Variants in ABR observed in about 807,000 individuals in gnomAD.
ABR encodes the protein active breakpoint cluster region-related protein.
Under a neutral mutation model 107.2 loss-of-function variants are expected in ABR, and 35 were observed. The observed-to-expected ratio is 0.33, with a 90% CI of 0.25 to 0.43. The LOEUF is 0.43. ABR is among the 20% of genes least tolerant of loss of function. The pLI is 1.00. For missense variants in ABR, 815 were observed against 1,115.2 expected (o/e 0.73, Z 3.83); for synonymous variants, 498 against 462.0 (o/e 1.08, Z -1.00).
chr17:1,112,613 GAGGA>G (rs533410394), intron 2 of ABR, among the ~76,000 whole-genome samples: 6 of 84,466 alleles, frequency 7.1e-5, no homozygotes, highest in African/African-American at 2.0e-4. Context: ...GGGAGGGAGG[GAGGA>G]AGGAAGGAAG....
In ABR at chr17:1,091,546, A is replaced by C. The variant is rs534517143; in HGVS notation, c.531+119T>G. On this transcript the variant is annotated intron_variant, in intron 4 of 22. Transcript: ENST00000302538. ...GCCCAGGCCTTCCTCCCGGACTCGG[A>C]GAGGTCTCAGGCCTTCAAGGAGTCC... 5 of 1,166,734 alleles carry C rather than the reference A, an allele frequency of 4.3e-6. No individual in the cohort carries two copies. In the East Asian group the frequency reaches 1.2e-4, roughly 29 times the overall value. 72.3% of individuals were successfully genotyped at this position (1,166,734 alleles called of 1,614,324 possible).
intron 16 of ABR, among the ~76,000 whole-genome samples, chr17:1,030,729 C>T (rs1258730095): frequency 6.6e-6 from 1 of 152,268 alleles, no homozygotes; most frequent in Non-Finnish European, 1.5e-5. Context: ...TCCTGTGAGC[C>T]TCAGGAGGAG....
chr17:1,075,006 C>T (rs1235078150), intron 6 of ABR, among the ~76,000 whole-genome samples: 2 of 152,214 alleles, frequency 1.3e-5, no homozygotes, highest in African/African-American at 4.8e-5. Flanking sequence ...GCAAAGGTTT[C>T]CTGAAGCAAC....
intron 14 of ABR, among the ~76,000 whole-genome samples, chr17:1,054,098 G>T (rs779794910): frequency 6.6e-6 from 1 of 152,226 alleles, no homozygotes; most frequent in Non-Finnish European, 1.5e-5. Context: ...CTCCAGGAAG[G>T]AACCTTGAGC....
At chr17:1,211,084 C>T (rs1488230543) in intron 1 of ABR, among the ~76,000 whole-genome samples, 2 of 152,062 alleles carry the variant, frequency 1.3e-5, no homozygotes, top group African/African-American at 2.4e-5. Flanking sequence ...TTGAGACCAG[C>T]CTGTCCAATA....
At position 1,070,603 on chromosome 17, in the gene ABR, T is replaced by C. The variant is rs905366990; in HGVS notation, c.895-513A>G. On this transcript the variant is annotated intron_variant, in intron 8 of 22. Coordinates refer to ENST00000302538, the MANE Select transcript of ABR (RefSeq NM_021962.5). This position sits in a 1 kb window ranked among gnomAD's most constrained non-coding sequence, Gnocchi z 4.2. ...GACCCGAGACCCACTCAGGCCTGTC[T>C]GTGCTACTCCTCCCTGGCTTCTCCA... Among the ~76,000 whole-genome samples the C allele has an allele frequency of 6.6e-6, 1 of 151,312 alleles. No individual in the cohort carries two copies. The highest frequency in any genetic ancestry group is 2.4e-5 in the African/African-American group (1 of 41,118).
intron 2 of ABR, among the ~76,000 whole-genome samples, chr17:1,106,771 C>A (rs1402992694): frequency 6.6e-6 from 1 of 152,138 alleles, no homozygotes. Flanking sequence ...CTCAGGTGAT[C>A]CGCCCACCTC....
At chr17:1,218,393 G>A (rs16943458) in intron 1 of ABR, among the ~76,000 whole-genome samples, 10 of 152,056 alleles carry the variant, frequency 6.6e-5, no homozygotes, top group Non-Finnish European at 1.0e-4. Context: ...TAGGTCTGTC[G>A]GGAAAATTAT....
intron 10 of ABR, among the ~76,000 whole-genome samples, chr17:1,062,060 A>G (rs1361911774): frequency 6.6e-6 from 1 of 152,166 alleles, no homozygotes; most frequent in Non-Finnish European, 1.5e-5. Context: ...GGTGTCAGAG[A>G]AGCTTCCCAG....
In ABR at chr17:1,078,413, C is replaced by T. The variant is rs1042477926; in HGVS notation, c.700+917G>A. Among the ~76,000 whole-genome samples, 9 of 152,148 alleles carry T rather than the reference C, an allele frequency of 5.9e-5. No homozygotes were observed. The highest frequency in any genetic ancestry group is 8.8e-5 in the Non-Finnish European group (6 of 68,022). ...CCTCTCGGCTGGCAACGCCGCCGTC[C>T]GGACCATCGCCACCCATCGCCACGC... On this transcript the variant is annotated intron_variant, in intron 6 of 22. Coordinates refer to ENST00000302538, the MANE Select transcript of ABR (RefSeq NM_021962.5). The surrounding 1 kb of genome is among the most constrained non-coding windows in gnomAD (Gnocchi z 7.5).
chr17:1,005,700 T>C lies in ABR; in HGVS notation c.*380A>G, dbSNP rs1333489247. On this transcript the variant is annotated 3_prime_UTR_variant, in exon 23 of 23. Transcript: ENST00000302538. ...TTACACAGCGCAAAATAAAAGGCCT[T>C]GGGCTGGACTCAGGCGGAAAGAAAG... 2 of 277,296 alleles carry C rather than the reference T, an allele frequency of 7.2e-6. No individual in the cohort carries two copies. The highest frequency in any genetic ancestry group is 4.4e-5 in the South Asian group (1 of 22,794). The allele number at this position is 277,296 out of a possible 1,614,324, so 17.2% of individuals were successfully genotyped here.
At position 1,148,819 on chromosome 17, in the gene ABR, C is replaced by T. The variant is rs879710877; in HGVS notation, c.62-23452G>A. 3.3e-5 allele frequency among the ~76,000 whole-genome samples: 5 copies of T among 152,194 alleles called. No individual in the cohort carries two copies. Among genetic ancestry groups the T allele is most frequent in the Non-Finnish European group, 5.9e-5 (4 of 68,040 alleles). On this transcript the variant is annotated intron_variant, in intron 1 of 22. Transcript: ENST00000302538. This position sits in a 1 kb window ranked among gnomAD's most constrained non-coding sequence, Gnocchi z 4.9. ...GCTGATGGCCGCACCAGAGTGTGAA[C>T]GTGCCTCGGGCCACTGATGCGTACA...
intron 16 of ABR, among the ~76,000 whole-genome samples, chr17:1,014,297 C>G (rs985323504): frequency 7.4e-6 from 1 of 135,352 alleles, no homozygotes; most frequent in South Asian, 2.6e-4. Flanking sequence ...AAAAATTAGC[C>G]GGGCGTGGTG....
chr17:1,174,641 C>T (rs577896095), intron 1 of ABR, among the ~76,000 whole-genome samples: 135 of 152,246 alleles, frequency 8.9e-4, no homozygotes, highest in Non-Finnish European at 1.4e-3. Flanking sequence ...AAGTGAGCTC[C>T]AAAAAGCAGG....
intron 16 of ABR, among the ~76,000 whole-genome samples, chr17:1,039,145 C>G (rs532737198): frequency 5.3e-4 from 81 of 152,316 alleles, no homozygotes; most frequent in African/African-American, 1.9e-3. Context: ...CAGGGCCTGA[C>G]TGCATCGGCT....
At chr17:1,109,560 C>T (rs2038528608) in intron 2 of ABR, among the ~76,000 whole-genome samples, 1 of 150,960 alleles carries the variant, frequency 6.6e-6, no homozygotes. Flanking sequence ...TGGGGTGGAG[C>T]GGGGAGGCCG....
At chr17:1,185,828 T>C (rs2042278592) in intron 1 of ABR, among the ~76,000 whole-genome samples, 2 of 151,772 alleles carry the variant, frequency 1.3e-5, no homozygotes, top group Admixed American at 6.6e-5. Context: ...AAAGCAGCAT[T>C]TACTATTCTT....
At chr17:1,104,049 A>C (rs1189075806) in intron 2 of ABR, among the ~76,000 whole-genome samples, 2 of 148,198 alleles carry the variant, frequency 1.3e-5, no homozygotes, top group African/African-American at 4.9e-5. Flanking sequence ...GGTGAAGGAG[A>C]GGTGCCCACG....
chr17:1,029,939 C>T lies in ABR; in HGVS notation c.1792-16775G>A, dbSNP rs896902976. 4.9e-4 allele frequency among the ~76,000 whole-genome samples: 75 copies of T among 151,700 alleles called. 4 individuals carry two copies. Among genetic ancestry groups the T allele is most frequent in the African/African-American group, 1.8e-3 (73 of 41,172 alleles). Reference sequence around the variant, plus strand: ...CCGTCCGCCACAGCGCTGACCCCTGCGTCCACGACACGGACACACTGTGGC... The same window carrying T: ...CCGTCCGCCACAGCGCTGACCCCTGTGTCCACGACACGGACACACTGTGGC... On this transcript the variant is annotated intron_variant, in intron 16 of 22. Transcript: ENST00000302538.
Sources: allele counts gnomAD v4.1 joint callset (sites outside exome capture counted in the v4.1 genomes callset), GRCh38; gene constraint gnomAD v4.1.1; non-coding constraint Gnocchi (gnomAD v3.1); transcripts MANE v1.5; gene names NCBI Gene and HGNC (gene_info 2026-07-23, HGNC 2026-07-21).